Variants in CSE1L observed in about 807,000 individuals in gnomAD.
CSE1L encodes chromosome segregation 1 like, also known as exportin-2.
CSE1L carries 24 observed loss-of-function variants against 120.4 expected under a neutral mutation model. The observed-to-expected ratio is 0.20, with a 90% confidence interval of 0.14 to 0.28. The LOEUF is 0.28. Among genes scored for constraint, CSE1L ranks in the 10% least tolerant of loss-of-function variants. CSE1L has a pLI of 1.00. For missense variants in CSE1L, 830 were observed against 1,145.2 expected, an observed-to-expected ratio of 0.72 and a Z score of 3.97; for synonymous variants, 402 against 398.3, an observed-to-expected ratio of 1.01 and a Z score of -0.11.
In CSE1L at chr20:49,077,063, T is replaced by C. The variant is rs767418900; in HGVS notation, c.1419T>C (p.Asn473=). Residue 473 remains asparagine, a splice_region_variant and synonymous_variant, in exon 13 of 25, where the codon AAT becomes AAC. Transcript: ENST00000262982. The part of the protein sequence containing the change: ...NHILPDLKSA[N]VNEFPVLKAD... Reference sequence around the variant, plus strand: ...TCCTCCCTGATTTAAAATCAGCTAATGGTGAGTTGTGAAATTCTTGCTTTT... The same window carrying C: ...TCCTCCCTGATTTAAAATCAGCTAACGGTGAGTTGTGAAATTCTTGCTTTT... The C allele has an allele frequency of 1.3e-6, 2 of 1,598,618 alleles. No homozygotes were observed. The highest frequency in any genetic ancestry group is 3.5e-5 in the Admixed American group (2 of 57,378).
intron 10 of CSE1L, 151 bp downstream of exon 10, chr20:49,072,848 A>C: frequency 2.3e-6 from 2 of 851,870 alleles, no homozygotes; most frequent in Non-Finnish European, 3.4e-6. Flanking sequence ...TAGTATCTGT[A>C]ATGAGTTTTG....
intron 16 of CSE1L, among the ~76,000 whole-genome samples, chr20:49,086,557 G>GTTTCT (rs2092059670): frequency 6.6e-6 from 1 of 151,660 alleles, no homozygotes; most frequent in African/African-American, 2.4e-5. Context: ...TAGAGACAGG[G>GTTTCT]TTTCTGCATG....
At chr20:49,061,173 T>A (rs1374773732) in intron 2 of CSE1L, among the ~76,000 whole-genome samples, 1 of 146,434 alleles carries the variant, frequency 6.8e-6, no homozygotes. Flanking sequence ...AAAAATTTTT[T>A]TTTTTTTTTT....
chr20:49,077,739 C>T (rs2123723526), intron 13 of CSE1L, among the ~76,000 whole-genome samples: 1 of 152,270 alleles, frequency 6.6e-6, no homozygotes, highest in African/African-American at 2.4e-5. Flanking sequence ...GGTGCGGTGG[C>T]TCACACCTGT....
At position 49,085,329 on chromosome 20, in the gene CSE1L, A is replaced by C. The variant is rs200292430; in HGVS notation, c.1666A>C (p.Asn556His). 1 of 1,613,974 alleles carries C rather than the reference A, an allele frequency of 6.2e-7. No individual in the cohort carries two copies. The highest frequency in any genetic ancestry group is 8.5e-7 in the Non-Finnish European group (1 of 1,179,984). Residue 556 changes from asparagine to histidine, a missense_variant, in exon 16 of 25, where the codon AAC becomes CAC. Asn to His is a moderately conservative substitution (Grantham distance 68, BLOSUM62 1). Transcript: ENST00000262982. ...ACCGTTTGTTGAGATTCTGCTAACAAACCTTTTCAAAGCTCTCACACTTCC... is the reference window on the plus strand; with the variant it reads ...ACCGTTTGTTGAGATTCTGCTAACACACCTTTTCAAAGCTCTCACACTTCC... Reference protein sequence around the residue: ...IAPFVEILLTNLFKALTLPGS... With the variant: ...IAPFVEILLTHLFKALTLPGS...
At chr20:49,068,648 G>A (rs1434557214) in intron 6 of CSE1L, 67 bp from the exon 7 acceptor site, 1 of 1,013,686 alleles carries the variant, frequency 9.9e-7, no homozygotes, top group East Asian at 2.4e-5. Flanking sequence ...GTGCAAGGCT[G>A]TTTCACTAAG....
chr20:49,076,031 C>T (rs1212396940), intron 12 of CSE1L, among the ~76,000 whole-genome samples: 1 of 152,074 alleles, frequency 6.6e-6, no homozygotes, highest in African/African-American at 2.4e-5. Context: ...AAGGTTTCAC[C>T]ATATTGGTCA....
intron 2 of CSE1L, among the ~76,000 whole-genome samples, chr20:49,061,293 C>T (rs191068326): frequency 6.7e-6 from 1 of 149,120 alleles, no homozygotes; most frequent in South Asian, 2.1e-4. Context: ...CTGCCTCAGC[C>T]TCCTGAGTAG....
rs11471947 is a variant in CSE1L, at chr20:49,085,562, A to ATTTTTTTTTTTT, written c.1723+192_1723+203dup. Among the ~76,000 whole-genome samples the ATTTTTTTTTTTT allele has an allele frequency of 1.9e-3, 149 of 80,236 alleles. 28 individuals carry two copies. The highest frequency in any genetic ancestry group is 2.1e-3 in the African/African-American group (49 of 22,962). The allele number at this position is 80,236 out of a possible 152,430, so 52.6% of individuals were successfully genotyped here. On this transcript the variant is annotated intron_variant, in intron 16 of 24. Coordinates refer to ENST00000262982, the MANE Select transcript of CSE1L (RefSeq NM_001316.4). Reference sequence around the variant, plus strand: ...ATTATCTTGTTTACTACTAACAATAATTTTTTTTTTTTTTTTTTTTTTTTT... The same window carrying ATTTTTTTTTTTT: ...ATTATCTTGTTTACTACTAACAATAATTTTTTTTTTTTTTTTTTTTTTTTTTTTTTTTTTTTT...
At chr20:49,071,461 A>T (rs531192940) in intron 8 of CSE1L, among the ~76,000 whole-genome samples, 1 of 152,104 alleles carries the variant, frequency 6.6e-6, no homozygotes, top group South Asian at 2.1e-4. Context: ...AGTGTGAGGG[A>T]GTTTTGGTTT....
At chr20:49,091,943 T>G in intron 21 of CSE1L, 103 bp from the exon 22 acceptor site, 1 of 676,552 alleles carries the variant, frequency 1.5e-6, no homozygotes, top group South Asian at 1.8e-5. Context: ...TGCCACAGCC[T>G]TTGGATGTTA....
intron 3 of CSE1L, among the ~76,000 whole-genome samples, chr20:49,065,950 G>T (rs2091889019): frequency 6.6e-6 from 1 of 152,164 alleles, no homozygotes; most frequent in South Asian, 2.1e-4. Flanking sequence ...TAATTTGTAT[G>T]TAAAATATTT....
In CSE1L at chr20:49,063,201, G is replaced by C; in HGVS notation, c.86-1G>C. 1 of 1,571,024 alleles carries C rather than the reference G, an allele frequency of 6.4e-7. No individual in the cohort carries two copies. Among genetic ancestry groups the C allele is most frequent in the Non-Finnish European group, 8.6e-7 (1 of 1,163,860 alleles). On this transcript the variant is annotated splice_acceptor_variant, in intron 2 of 24. Coordinates refer to ENST00000262982, the MANE Select transcript of CSE1L (RefSeq NM_001316.4). LOFTEE classifies it high-confidence loss of function. ...CTTTTAACATGAAAATTCTTTTACA[G>C]CTGAGAAATTTCTTGAATCTGTTGA...
At chr20:49,047,569 T>C (rs546031103) in intron 1 of CSE1L, among the ~76,000 whole-genome samples, 782 of 47,788 alleles carry the variant, frequency 0.016, 45 homozygotes, top group East Asian at 0.066. Flanking sequence ...CTTTTCTTTT[T>C]TTTTTTTTTT....
chr20:49,058,534 C>T lies in CSE1L; in HGVS notation c.71C>T (p.Ala24Val). 1 of 1,613,090 alleles carries T rather than the reference C, an allele frequency of 6.2e-7. No homozygotes were observed. The highest frequency in any genetic ancestry group is 8.5e-7 in the Non-Finnish European group (1 of 1,179,348). Residue 24 changes from alanine (A) to valine (V), a missense_variant, in exon 2 of 25, where the codon GCC (alanine) becomes GTC (valine). By Grantham distance (64) the Ala-to-Val change is moderately conservative. This residue lies in a region of CSE1L where 543 missense variants were observed against 640.2 expected (regional missense o/e 0.85). Transcript: ENST00000262982. ...YLKKTLDPDP[A>V]IRRPAEKFLE... Reference sequence around the variant, plus strand: ...AAGAAAACACTTGATCCTGATCCTGCCATCCGACGTCCAGGTAAAGAAAAT... The same window carrying T: ...AAGAAAACACTTGATCCTGATCCTGTCATCCGACGTCCAGGTAAAGAAAAT...
intron 14 of CSE1L, among the ~76,000 whole-genome samples, chr20:49,081,077 A>G (rs534193398): frequency 6.8e-6 from 1 of 146,490 alleles, no homozygotes; most frequent in East Asian, 2.1e-4. Context: ...TCCACCTCCC[A>G]GGTTCAAGTG....
chr20:49,077,049 T>C lies in CSE1L; in HGVS notation c.1405T>C (p.Leu469=). 1.2e-6 allele frequency: 2 copies of C among 1,607,712 alleles called. No individual in the cohort carries two copies. The highest frequency in any genetic ancestry group is 2.2e-5 in the East Asian group (1 of 44,754). Residue 469 remains leucine (L), a synonymous_variant, in exon 13 of 25, where the codon TTA becomes CTA. Transcript: ENST00000262982. ...EFFVNHILPD[L]KSANVNEFPV... ...CTTTGTGAATCACATCCTCCCTGAT[T>C]TAAAATCAGCTAATGGTGAGTTGTG... is the stretch of plus-strand genomic sequence containing the variant.
In CSE1L at chr20:49,065,313, A is replaced by ATTT. The variant is rs376073464; in HGVS notation, c.229-854_229-852dup. Among the ~76,000 whole-genome samples the ATTT allele has an allele frequency of 4.2e-3, 219 of 52,100 alleles. 21 individuals are homozygous for ATTT. The highest frequency in any genetic ancestry group is 0.033 in the East Asian group (33 of 1,004). 34.2% of individuals were successfully genotyped at this position (52,100 alleles called of 152,430 possible). ...AGTTTACATATGAAATGAAAAAAAAATTTTTTTTTTTTTTTTTTTTTTTTT... is the reference window on the plus strand; with the variant it reads ...AGTTTACATATGAAATGAAAAAAAAATTTTTTTTTTTTTTTTTTTTTTTTTTTT... On this transcript the variant is annotated intron_variant, in intron 3 of 24. Coordinates refer to ENST00000262982, the MANE Select transcript of CSE1L (RefSeq NM_001316.4).
At chr20:49,071,977 A>AC (rs2091935405) in intron 8 of CSE1L, among the ~76,000 whole-genome samples, 1 of 151,454 alleles carries the variant, frequency 6.6e-6, no homozygotes, top group African/African-American at 2.4e-5. Context: ...CAAAAAAAAA[A>AC]AAAAAAAACC....
Sources: gnomAD v4.1 joint callset for allele counts (sites outside exome capture counted in the v4.1 genomes callset) on GRCh38, gnomAD v4.1.1 for gene constraint, gnomAD v4.1.1 regional missense constraint, MANE v1.5 for transcripts, NCBI Gene and HGNC (gene_info 2026-07-23, HGNC 2026-07-21) for gene names.